The following HS3ST5 variants were observed in gnomAD, a reference collection of about 807,000 sequenced individuals.
HS3ST5 encodes heparan sulfate-glucosamine 3-sulfotransferase 5.
In HS3ST5, 10 loss-of-function variants were observed where a neutral mutation model predicts 25.4. The observed-to-expected ratio is 0.39, with a 90% CI of 0.24 to 0.67. HS3ST5 has a LOEUF of 0.67. Ranked by LOEUF, HS3ST5 falls within the 30% of genes least tolerant of loss-of-function variation. The pLI, the probability that HS3ST5 is intolerant of heterozygous loss-of-function variation, is 0.44. For missense variants in HS3ST5, 324 were observed against 420.7 expected (o/e 0.77, Z 2.01); for synonymous variants, 170 against 162.4 (o/e 1.05, Z -0.36).
intron 3 of HS3ST5, among the ~76,000 whole-genome samples, chr6:114,091,765 C>T (rs1212075540): frequency 6.6e-6 from 1 of 152,036 alleles, no homozygotes; most frequent in Admixed American, 6.6e-5. Flanking sequence ...ACAAAGAAAG[C>T]GAAAGTATCT....
chr6:114,267,755 G>A (rs909943419), intron 1 of HS3ST5, among the ~76,000 whole-genome samples: 1 of 152,180 alleles, frequency 6.6e-6, no homozygotes, highest in Non-Finnish European at 1.5e-5. Flanking sequence ...GCATCCAGAA[G>A]CCAGGTAGAA....
At chr6:114,300,007 C>T (rs1218033641) in intron 1 of HS3ST5, among the ~76,000 whole-genome samples, 1 of 152,030 alleles carries the variant, frequency 6.6e-6, no homozygotes, top group African/African-American at 2.4e-5. Flanking sequence ...CTGGTGAAGA[C>T]AGCCTGATAA....
chr6:114,231,760 TAAA>T (rs11333317), intron 1 of HS3ST5, among the ~76,000 whole-genome samples: 15 of 141,248 alleles, frequency 1.1e-4, no homozygotes, highest in Admixed American at 1.4e-4. Flanking sequence ...CTATTCTATT[TAAA>T]AAAAAAAAAA....
chr6:114,310,656 T>A (rs1163796641), intron 1 of HS3ST5, among the ~76,000 whole-genome samples: 5 of 152,164 alleles, frequency 3.3e-5, no homozygotes. Context: ...ATAGTGGTTA[T>A]GTCCCCAAAA....
At chr6:114,071,439 A>G (rs1430465170) in intron 3 of HS3ST5, among the ~76,000 whole-genome samples, 3 of 152,222 alleles carry the variant, frequency 2.0e-5, no homozygotes, top group African/African-American at 4.8e-5. Context: ...TTCTTCCTAT[A>G]TGGCACCACA....
At chr6:114,210,597 A>G (rs537500631) in intron 2 of HS3ST5, among the ~76,000 whole-genome samples, 2 of 152,312 alleles carry the variant, frequency 1.3e-5, no homozygotes, top group South Asian at 2.1e-4. Flanking sequence ...AGCATGTACT[A>G]TACCCAGTTA....
chr6:114,249,630 G>T (rs1404796936), intron 1 of HS3ST5, among the ~76,000 whole-genome samples: 2 of 152,186 alleles, frequency 1.3e-5, no homozygotes, highest in Non-Finnish European at 2.9e-5. Context: ...CTCCCCAGGG[G>T]TGTTGTGCAT....
At chr6:114,273,255 A>G (rs1773708980) in intron 1 of HS3ST5, among the ~76,000 whole-genome samples, 1 of 152,000 alleles carries the variant, frequency 6.6e-6, no homozygotes, top group South Asian at 2.1e-4. Flanking sequence ...ATGAGAGAAA[A>G]ACCCTTTTGT....
intron 3 of HS3ST5, among the ~76,000 whole-genome samples, chr6:114,122,653 T>A (rs1023018612): frequency 6.6e-6 from 1 of 152,198 alleles, no homozygotes; most frequent in Non-Finnish European, 1.5e-5. Flanking sequence ...AAACCTACCC[T>A]TCTGTTAACA....
At chr6:114,289,687 G>T (rs1330037819) in intron 1 of HS3ST5, among the ~76,000 whole-genome samples, 1 of 152,098 alleles carries the variant, frequency 6.6e-6, no homozygotes, top group African/African-American at 2.4e-5. Flanking sequence ...CAGGAAGACT[G>T]TAAAGAAAAG....
At chr6:114,180,359 G>C (rs1779919075) in intron 2 of HS3ST5, among the ~76,000 whole-genome samples, 1 of 152,128 alleles carries the variant, frequency 6.6e-6, no homozygotes, top group Non-Finnish European at 1.5e-5. Flanking sequence ...AAATGCCATA[G>C]ATTGGGTGGC....
intron 2 of HS3ST5, among the ~76,000 whole-genome samples, chr6:114,173,155 C>G (rs1351024728): frequency 6.6e-6 from 1 of 152,182 alleles, no homozygotes; most frequent in Non-Finnish European, 1.5e-5. Flanking sequence ...TAGTACATGT[C>G]TGCCCACATT....
At position 114,058,122 on chromosome 6, in the gene HS3ST5, C is replaced by T. The variant is rs371850649; in HGVS notation, c.176G>A (p.Arg59His). The T allele has an allele frequency of 4.2e-5, 67 of 1,613,820 alleles. No homozygotes were observed. The East Asian group carries it at 6.5e-4, about 16-fold the overall frequency. Residue 59 changes from arginine to histidine, a missense_variant, in exon 5 of 5, where the codon CGC (arginine) becomes CAC (histidine). Coordinates refer to ENST00000312719, the MANE Select transcript of HS3ST5 (RefSeq NM_153612.4). ...CAGGCCACGCTTAAACTGCAGGGCG[C>T]GAAGTGGGAATTCAGCCTGAGTGCG... ...GARTQAEFPL[R>H]ALQFKRGLLH... is the part of the protein sequence containing the mutation.
chr6:114,058,091 G>A lies in HS3ST5; in HGVS notation c.207C>T (p.His69=), dbSNP rs150843917. 861 of 1,614,138 alleles carry A rather than the reference G, an allele frequency of 5.3e-4. 2 individuals carry two copies. Among genetic ancestry groups the A allele is most frequent in the Admixed American group, 8.3e-4 (50 of 60,022 alleles). Residue 69 remains histidine, a synonymous_variant, in exon 5 of 5, where the codon CAC becomes CAT. Coordinates refer to ENST00000312719, the MANE Select transcript of HS3ST5 (RefSeq NM_153612.4). ...RALQFKRGLL[H]EFRKGNASKE... is the part of the protein sequence containing the mutation. ...TGGAAGCGTTGCCCTTCCGGAACTC[G>A]TGCAGCAGGCCACGCTTAAACTGCA...
intron 2 of HS3ST5, among the ~76,000 whole-genome samples, chr6:114,217,671 A>G (rs1421701553): frequency 6.6e-6 from 1 of 152,202 alleles, no homozygotes; most frequent in Non-Finnish European, 1.5e-5. Flanking sequence ...GATGTTGGCA[A>G]TGTTATCATC....
At chr6:114,293,594 T>A (rs1774680745) in intron 1 of HS3ST5, among the ~76,000 whole-genome samples, 1 of 152,142 alleles carries the variant, frequency 6.6e-6, no homozygotes, top group Non-Finnish European at 1.5e-5. Context: ...GCAACTTAAT[T>A]GTAAAAGTTA....
intron 3 of HS3ST5, among the ~76,000 whole-genome samples, chr6:114,077,774 CAA>C (rs915305410): frequency 2.6e-5 from 4 of 152,110 alleles, no homozygotes; most frequent in Admixed American, 6.5e-5. Context: ...TTATTTACCT[CAA>C]GTTTTGTTTT....
chr6:114,160,529 A>G (rs1562220426), intron 3 of HS3ST5, among the ~76,000 whole-genome samples: 1 of 152,142 alleles, frequency 6.6e-6, no homozygotes. Flanking sequence ...GGAAGTAACT[A>G]TATATTAAAT....
At chr6:114,259,158 A>G (rs761803174) in intron 1 of HS3ST5, among the ~76,000 whole-genome samples, 3 of 152,212 alleles carry the variant, frequency 2.0e-5, no homozygotes, top group Non-Finnish European at 4.4e-5. Flanking sequence ...TTTATAAACT[A>G]GAGACTATTA....
Sources: allele counts gnomAD v4.1 joint callset (sites outside exome capture counted in the v4.1 genomes callset), GRCh38; gene constraint gnomAD v4.1.1; transcripts MANE v1.5; gene names NCBI Gene and HGNC (gene_info 2026-07-23, HGNC 2026-07-21).